Variants in TM2D2 observed in about 807,000 individuals in gnomAD.
The protein encoded by TM2D2 is TM2 domain containing 2, also known as TM2 domain-containing protein 2.
Under a neutral mutation model 23.0 loss-of-function variants are expected in TM2D2, and 19 were observed. The observed-to-expected ratio is 0.82, with a 90% CI of 0.58 to 1.21. TM2D2 has a LOEUF of 1.21. Ranked by LOEUF, TM2D2 falls within the 50% of genes most tolerant of loss-of-function variation. The probability of loss-of-function intolerance (pLI) is 0.00; values close to 1 mark genes in which losing one functional copy is unlikely to be tolerated. For missense variants in TM2D2, 246 were observed against 265.4 expected, an observed-to-expected ratio of 0.93 and a Z score of 0.51; for synonymous variants, 120 against 108.8, an observed-to-expected ratio of 1.10 and a Z score of -0.64.
At chr8:38,993,692 T>G (rs1835673123) in intron 2 of TM2D2, 32 bp from the exon 3 acceptor site, 1 of 1,511,196 alleles carries the variant, frequency 6.6e-7, no homozygotes, top group Non-Finnish European at 9.2e-7. Context: ...CAAAACCAAC[T>G]CACCAGAGCA....
At chr8:38,993,342 G>A (rs1407244230) in intron 3 of TM2D2, among the ~76,000 whole-genome samples, 1 of 152,196 alleles carries the variant, frequency 6.6e-6, no homozygotes, top group Non-Finnish European at 1.5e-5. Context: ...TGTTGTCCCA[G>A]ATACTCGGGA....
upstream of TM2D2, chr8:38,996,983 C>A (rs749773106): frequency 4.6e-6 from 7 of 1,536,588 alleles, no homozygotes; most frequent in African/African-American, 1.4e-5. Flanking sequence ...AGACTTGGGG[C>A]CCCGGCAGGG....
Position 38,995,426 on chromosome 8 carries a change from C to T in TM2D2, c.228-21G>A, listed in dbSNP as rs771047596. On this transcript the variant is annotated intron_variant, in intron 1 of 3. Coordinates refer to ENST00000456397, the MANE Select transcript of TM2D2 (RefSeq NM_078473.3). Reference sequence around the variant, plus strand: ...CAGGTCTGTAATTCACCAGTAAGATCATGATCATCATCATACGGTCTTTGC... The same window carrying T: ...CAGGTCTGTAATTCACCAGTAAGATTATGATCATCATCATACGGTCTTTGC... The T allele has an allele frequency of 8.1e-6, 13 of 1,612,038 alleles. No homozygotes were observed. The African/African-American group carries it at 1.7e-4, about 22-fold the overall frequency.
chr8:38,996,005 G>A (rs1401690411), intron 1 of TM2D2, among the ~76,000 whole-genome samples: 1 of 152,178 alleles, frequency 6.6e-6, no homozygotes, highest in Non-Finnish European at 1.5e-5. Context: ...TTTCCTCTTT[G>A]GGGATCTCAA....
chr8:38,995,189 T>C, intron 2 of TM2D2, 129 bp downstream of exon 2: 1 of 684,100 alleles, frequency 1.5e-6, no homozygotes, highest in Non-Finnish European at 2.4e-6. Context: ...TACTGGAAAT[T>C]TCCAGTAACG....
In TM2D2 at chr8:38,996,508, C is replaced by A; in HGVS notation, c.-69G>T. The A allele has an allele frequency of 6.3e-7, 1 of 1,591,534 alleles. No individual in the cohort carries two copies. Among genetic ancestry groups the A allele is most frequent in the African/African-American group, 1.3e-5 (1 of 74,650 alleles). ...CAGGCCAGCAGCACAGACCCAAGAA[C>A]TGCGTGGTCAGGCCTTTCCGCGTAG... On this transcript the variant is annotated 5_prime_UTR_variant, in exon 1 of 4. Transcript: ENST00000456397.
chr8:38,991,793 C>T (rs1835609613), intron 3 of TM2D2, among the ~76,000 whole-genome samples: 1 of 152,040 alleles, frequency 6.6e-6, no homozygotes, highest in African/African-American at 2.4e-5. Context: ...GGCAAAGATA[C>T]CAGGGTGGTT....
At chr8:38,992,885 C>T (rs192766888) in intron 3 of TM2D2, among the ~76,000 whole-genome samples, 33 of 152,368 alleles carry the variant, frequency 2.2e-4, no homozygotes, top group Admixed American at 4.6e-4. Context: ...TGTGCTGACA[C>T]AGCTGCAGTT....
chr8:38,996,796 G>A, upstream of TM2D2: 1 of 1,431,596 alleles, frequency 7.0e-7, no homozygotes, highest in Non-Finnish European at 9.1e-7. Flanking sequence ...GCCGACTAGT[G>A]CTGGTTGCCA....
In TM2D2 at chr8:38,993,572, A is replaced by C; in HGVS notation, c.404T>G (p.Phe135Cys). ...DGIECASPRTFLRENKPCIKY... is the reference protein window; with the variant it reads ...DGIECASPRTCLRENKPCIKY... Reference sequence around the variant, plus strand: ...TATACAAGGTTTATTTTCTCGTAGAAAGGTCCTAGGACTGGCACACTCAAT... The same window carrying C: ...TATACAAGGTTTATTTTCTCGTAGACAGGTCCTAGGACTGGCACACTCAAT... The change falls in exon 3 of 4, where the codon TTT becomes TGT. Residue 135 changes from phenylalanine to cysteine, a missense_variant. This residue lies in a region of TM2D2 where 212 missense variants were observed against 202.2 expected (regional missense o/e 1.05). Coordinates refer to ENST00000456397, the MANE Select transcript of TM2D2 (RefSeq NM_078473.3). 1 of 1,613,674 alleles carries C rather than the reference A, an allele frequency of 6.2e-7. No individual in the cohort carries two copies. Among genetic ancestry groups the C allele is most frequent in the South Asian group, 1.1e-5 (1 of 91,068 alleles).
chr8:38,990,224 T>C lies in TM2D2; in HGVS notation c.*1108A>G, dbSNP rs1321146693. 1 of 152,246 alleles carries C rather than the reference T, an allele frequency of 6.6e-6. No individual in the cohort carries two copies. 9.4% of individuals were successfully genotyped at this position (152,246 alleles called of 1,614,324 possible). A position where few individuals can be genotyped will look rare whatever the true frequency, so the allele number is the denominator to read the frequency against. On this transcript the variant is annotated 3_prime_UTR_variant, in exon 4 of 4. Coordinates refer to ENST00000456397, the MANE Select transcript of TM2D2 (RefSeq NM_078473.3). Reference sequence around the variant, plus strand: ...AAGTTATTTCAACTGTGATATTTGGTCTTAAATTCAATTATTATTAGGTAA... The same window carrying C: ...AAGTTATTTCAACTGTGATATTTGGCCTTAAATTCAATTATTATTAGGTAA...
rs1168222644 is a variant in TM2D2, at chr8:38,996,287, C to A, written c.153G>T (p.Gln51His). ...EPELTSAGAA[Q>H]PEGPGGAASW... ...TCGCAGCACCCCCGGGGCCCTCCGG[C>A]TGGGCGGCGCCAGCGGATGTGAGCT... Residue 51 changes from glutamine to histidine, a missense_variant, in exon 1 of 4, where the codon CAG becomes CAT. Gln to His is a conservative substitution (Grantham distance 24, BLOSUM62 0). This residue lies in a region of TM2D2 where 212 missense variants were observed against 202.2 expected (regional missense o/e 1.05). Transcript: ENST00000456397. 11 of 1,613,908 alleles carry A rather than the reference C, an allele frequency of 6.8e-6. No individual in the cohort carries two copies. The highest frequency in any genetic ancestry group is 1.7e-5 in the Admixed American group (1 of 60,014).
rs764853444 is a variant in TM2D2 at position 38,995,442 on chromosome 8, C to T, written c.228-37G>A. 5.6e-6 allele frequency: 9 copies of T among 1,606,488 alleles called. No individual in the cohort carries two copies. In the African/African-American group the frequency reaches 6.7e-5, roughly 12 times the overall value. ...CAGTAAGATCATGATCATCATCATACGGTCTTTGCAAATCGCTGTTTGCAT... is the reference window on the plus strand; with the variant it reads ...CAGTAAGATCATGATCATCATCATATGGTCTTTGCAAATCGCTGTTTGCAT... On this transcript the variant is annotated intron_variant, in intron 1 of 3. Transcript: ENST00000456397.
At chr8:38,992,620 A>G (rs1835636969) in intron 3 of TM2D2, among the ~76,000 whole-genome samples, 1 of 152,182 alleles carries the variant, frequency 6.6e-6, no homozygotes, top group Non-Finnish European at 1.5e-5. Context: ...AAGAACAAAT[A>G]CTGACTTTTG....
chr8:38,990,540 TAA>T lies in TM2D2; in HGVS notation c.*790_*791del, dbSNP rs1835572449. On this transcript the variant is annotated 3_prime_UTR_variant, in exon 4 of 4. Transcript: ENST00000456397. Reference sequence around the variant, plus strand: ...TTTTACAGAAACTTGTATGAAATCTTAATTTTATTAGCATGGGCTGGTAAACG... The same window carrying T: ...TTTTACAGAAACTTGTATGAAATCTTTTTTATTAGCATGGGCTGGTAAACG... 1.3e-5 allele frequency: 2 copies of T among 152,240 alleles called. No homozygotes were observed. The highest frequency in any genetic ancestry group is 3.8e-4 in the East Asian group (2 of 5,206). The allele number at this position is 152,240 out of a possible 1,614,324, so 9.4% of individuals were successfully genotyped here.
At position 38,989,309 on chromosome 8, in the gene TM2D2, A is replaced by G. The variant is rs891719930; in HGVS notation, c.*2023T>C. The G allele has an allele frequency of 6.6e-6, 1 of 152,078 alleles. No individual in the cohort carries two copies. The highest frequency in any genetic ancestry group is 1.5e-5 in the Non-Finnish European group (1 of 68,048). 9.4% of individuals were successfully genotyped at this position (152,078 alleles called of 1,614,324 possible). On this transcript the variant is annotated 3_prime_UTR_variant, in exon 4 of 4. Coordinates refer to ENST00000456397, the MANE Select transcript of TM2D2 (RefSeq NM_078473.3). ...ATGACTTCAAGCCTTGGAGCTGCAA[A>G]ATTTCTTTTTTGGTCAGAGTCTCAC...
intron 2 of TM2D2, among the ~76,000 whole-genome samples, chr8:38,994,770 T>G (rs1198731208): frequency 6.6e-6 from 1 of 152,122 alleles, no homozygotes; most frequent in Non-Finnish European, 1.5e-5. Context: ...CTTAATAGCG[T>G]TTTTCCATTC....
At chr8:38,995,286 G>C (rs775581722) in intron 2 of TM2D2, 32 bp downstream of exon 2, 3 of 1,435,164 alleles carry the variant, frequency 2.1e-6, no homozygotes, top group Non-Finnish European at 2.8e-6. Context: ...CGTTATCGAA[G>C]GGTTTGCTCT....
Position 38,988,933 on chromosome 8 carries a change from T to TAACA in TM2D2, c.*2395_*2398dup, listed in dbSNP as rs1835525684. 1 of 152,212 alleles carries TAACA rather than the reference T, an allele frequency of 6.6e-6. No individual in the cohort carries two copies. The highest frequency in any genetic ancestry group is 2.4e-5 in the African/African-American group (1 of 41,462). The allele number at this position is 152,212 out of a possible 1,614,324, so 9.4% of individuals were successfully genotyped here. A position where few individuals can be genotyped will look rare whatever the true frequency, so the allele number is the denominator to read the frequency against. Reference sequence around the variant, plus strand: ...CTTCTCTATAGCCATAAACTAGATATAACACACACATATACAAATGGATCT... The same window carrying TAACA: ...CTTCTCTATAGCCATAAACTAGATATAACAAACACACACATATACAAATGGATCT... On this transcript the variant is annotated 3_prime_UTR_variant, in exon 4 of 4. Transcript: ENST00000456397.
Sources: allele counts gnomAD v4.1 joint callset (sites outside exome capture counted in the v4.1 genomes callset), GRCh38; gene constraint gnomAD v4.1.1; regional missense constraint gnomAD v4.1.1; transcripts MANE v1.5; gene names NCBI Gene and HGNC (gene_info 2026-07-23, HGNC 2026-07-21).